The following GPHN variants were observed in gnomAD, a reference collection of about 807,000 sequenced individuals.
The protein encoded by GPHN is gephyrin.
Under a neutral mutation model 95.5 loss-of-function variants are expected in GPHN, and 17 were observed. The observed-to-expected ratio is 0.18, with a 90% CI of 0.12 to 0.27. The LOEUF (loss-of-function observed/expected upper bound fraction) is 0.27. Ranked by LOEUF, GPHN falls within the 10% of genes least tolerant of loss-of-function variation. The probability of loss-of-function intolerance (pLI) is 1.00; values close to 1 mark genes in which losing one functional copy is unlikely to be tolerated. For missense variants in GPHN, 660 were observed against 978.1 expected, an observed-to-expected ratio of 0.67 and a Z score of 4.34; for synonymous variants, 320 against 322.5, an observed-to-expected ratio of 0.99 and a Z score of 0.08.
chr14:67,125,909 T>C (rs2079283689), intron 17 of GPHN, among the ~76,000 whole-genome samples: 1 of 152,208 alleles, frequency 6.6e-6, no homozygotes, highest in Non-Finnish European at 1.5e-5. Flanking sequence ...ATTCTATTTC[T>C]CAGCTCTTAT....
At chr14:66,728,965 G>C (rs992778471) in intron 2 of GPHN, among the ~76,000 whole-genome samples, 2 of 152,164 alleles carry the variant, frequency 1.3e-5, no homozygotes, top group African/African-American at 4.8e-5. Context: ...ATTGTGGGAG[G>C]AACCTGGTGG....
Position 66,677,300 on chromosome 14 carries a change from AT to A in GPHN, c.65-3803del, listed in dbSNP as rs554776106. Among the ~76,000 whole-genome samples, 9 of 151,414 alleles carry A rather than the reference AT, an allele frequency of 5.9e-5. No homozygotes were observed. The East Asian group carries it at 1.7e-3, about 29-fold the overall frequency. On this transcript the variant is annotated intron_variant, in intron 1 of 22. Coordinates refer to ENST00000478722, the MANE Select transcript of GPHN (RefSeq NM_020806.5). ...TCTGCTCTGATGTTTCCTTCTTCTT[AT>A]TTTAGGTTTGGCTTGTTCTTCCTTT... is the stretch of plus-strand genomic sequence containing the variant.
At chr14:67,361,540 G>T in the GPHN span, among the ~76,000 whole-genome samples, 3 of 152,322 alleles carry the variant, frequency 2.0e-5, no homozygotes, top group African/African-American at 7.2e-5. Context: ...GAATTATCAC[G>T]AGAGTTGTCC....
At chr14:66,565,445 T>G (rs1445942397) in intron 1 of GPHN, among the ~76,000 whole-genome samples, 5 of 152,028 alleles carry the variant, frequency 3.3e-5, no homozygotes, top group Non-Finnish European at 7.4e-5. Context: ...ACTACAGACA[T>G]GCACCACCAC....
At chr14:67,610,367 G>C in the GPHN span, among the ~76,000 whole-genome samples, 1 of 152,140 alleles carries the variant, frequency 6.6e-6, no homozygotes, top group Non-Finnish European at 1.5e-5. Flanking sequence ...TTGAGGCAAG[G>C]AGAACTGACG....
chr14:66,780,475 G>C lies in GPHN; in HGVS notation c.201+3954G>C, dbSNP rs527306231. The stretch of plus-strand genomic sequence containing the variant: ...ATTTAATTAGTTTAATTAATAGCAG[G>C]ACTTTTGCCTGTTTTTAAATAGTGA... On this transcript the variant is annotated intron_variant, in intron 3 of 22. Transcript: ENST00000478722. Among the ~76,000 whole-genome samples the C allele has an allele frequency of 3.3e-5, 5 of 151,634 alleles. No homozygotes were observed. The South Asian group carries it at 1.0e-3, about 31-fold the overall frequency.
At chr14:67,665,470 T>C in the GPHN span, among the ~76,000 whole-genome samples, 1 of 151,994 alleles carries the variant, frequency 6.6e-6, no homozygotes, top group Admixed American at 6.6e-5. Flanking sequence ...GGCCTCACTA[T>C]GTTGCCTAAG....
At chr14:66,960,739 A>G (rs1268779586) in intron 8 of GPHN, among the ~76,000 whole-genome samples, 2 of 152,080 alleles carry the variant, frequency 1.3e-5, no homozygotes, top group Non-Finnish European at 2.9e-5. Context: ...AGAGTCTCAA[A>G]TTTATCCACA....
the GPHN span, chr14:67,580,034 G>A: frequency 1.5e-6 from 1 of 662,338 alleles, no homozygotes; most frequent in Non-Finnish European, 2.5e-6. Context: ...ATCCTAAAAT[G>A]TACCTGGGCA....
intron 4 of GPHN, among the ~76,000 whole-genome samples, chr14:66,843,904 G>A (rs1375545530): frequency 6.6e-6 from 1 of 151,736 alleles, no homozygotes; most frequent in East Asian, 1.9e-4. Context: ...TATTTCTTGT[G>A]TATGGGATCT....
intron 2 of GPHN, among the ~76,000 whole-genome samples, chr14:66,702,823 A>T (rs1162946103): frequency 6.6e-6 from 1 of 152,244 alleles, no homozygotes; most frequent in Non-Finnish European, 1.5e-5. Flanking sequence ...AGTCTTCAGA[A>T]GATGGGTAAT....
the GPHN span, among the ~76,000 whole-genome samples, chr14:67,412,871 C>T: frequency 1.3e-5 from 2 of 152,070 alleles, no homozygotes; most frequent in African/African-American, 2.4e-5. Context: ...TTAAGATCCT[C>T]CTGCCTCAGC....
intron 2 of GPHN, among the ~76,000 whole-genome samples, chr14:66,770,978 A>G (rs1232489230): frequency 1.3e-5 from 2 of 152,122 alleles, no homozygotes; most frequent in African/African-American, 4.8e-5. Context: ...ATAGATAAGA[A>G]AGGACTGCTG....
At chr14:66,593,908 T>G (rs1045137305) in intron 1 of GPHN, among the ~76,000 whole-genome samples, 4 of 152,240 alleles carry the variant, frequency 2.6e-5, no homozygotes, top group African/African-American at 9.6e-5. Flanking sequence ...AACATAACCT[T>G]ATATATAGAA....
At chr14:66,797,652 G>C (rs1442622685) in intron 3 of GPHN, among the ~76,000 whole-genome samples, 1 of 151,820 alleles carries the variant, frequency 6.6e-6, no homozygotes, top group African/African-American at 2.4e-5. Context: ...AGATAAAAAT[G>C]CTACTGATTT....
At chr14:67,565,150 G>A in the GPHN span, among the ~76,000 whole-genome samples, 4 of 152,186 alleles carry the variant, frequency 2.6e-5, 1 homozygote, top group South Asian at 8.3e-4. Flanking sequence ...GTAAGGTGTG[G>A]TTTCTCCCTT....
At chr14:66,725,558 A>T (rs1348720601) in intron 2 of GPHN, among the ~76,000 whole-genome samples, 1 of 152,148 alleles carries the variant, frequency 6.6e-6, no homozygotes, top group Non-Finnish European at 1.5e-5. Context: ...ATCTCGGCTC[A>T]CTGAAACCTC....
the GPHN span, chr14:67,576,380 T>G: frequency 1.3e-6 from 2 of 1,518,552 alleles, no homozygotes; most frequent in Non-Finnish European, 1.8e-6. The surrounding 1 kb of genome is among the most constrained non-coding windows in gnomAD (Gnocchi z 4.0). Context: ...CCGATGGCTT[T>G]CCGCCCTCTT....
At chr14:67,565,936 A>G in the GPHN span, among the ~76,000 whole-genome samples, 1 of 152,172 alleles carries the variant, frequency 6.6e-6, no homozygotes, top group African/African-American at 2.4e-5. Context: ...CCTGGCCAAC[A>G]TGGCGAAACC....
Sources: allele counts gnomAD v4.1 joint callset (sites outside exome capture counted in the v4.1 genomes callset), GRCh38; gene constraint gnomAD v4.1.1; non-coding constraint Gnocchi (gnomAD v3.1); transcripts MANE v1.5; gene names NCBI Gene and HGNC (gene_info 2026-07-23, HGNC 2026-07-21).